CDH11: variants seen among roughly 807,000 people sequenced by gnomAD.
The protein encoded by CDH11 is cadherin-11.
CDH11 carries 11 observed loss-of-function variants against 67.8 expected under a neutral mutation model. The observed-to-expected ratio is 0.16, with a 90% CI of 0.10 to 0.27. The LOEUF (loss-of-function observed/expected upper bound fraction) is 0.27, where lower values mean the gene tolerates loss of function less well. Ranked by LOEUF, CDH11 falls within the 10% of genes least tolerant of loss-of-function variation. The pLI, the probability that CDH11 is intolerant of heterozygous loss-of-function variation, is 1.00. For missense variants in CDH11, 847 were observed against 1,031.2 expected, an observed-to-expected ratio of 0.82 and a Z score of 2.45; for synonymous variants, 419 against 400.0, an observed-to-expected ratio of 1.05 and a Z score of -0.57.
intron 2 of CDH11, among the ~76,000 whole-genome samples, chr16:65,049,396 A>T (rs1279791068): frequency 6.6e-6 from 1 of 152,120 alleles, no homozygotes; most frequent in Non-Finnish European, 1.5e-5. Context: ...CCCATCGCTC[A>T]TCGGTGGTCC....
chr16:65,035,078 G>A (rs945748344), intron 2 of CDH11, among the ~76,000 whole-genome samples: 81 of 152,186 alleles, frequency 5.3e-4, no homozygotes, highest in African/African-American at 1.9e-3. Context: ...GGAGCTGCAC[G>A]GGCAGTGACG....
intron 2 of CDH11, among the ~76,000 whole-genome samples, chr16:65,045,329 G>GTATATATATATATATCTATA (rs2073937522): frequency 1.6e-5 from 1 of 63,266 alleles, no homozygotes; most frequent in Non-Finnish European, 3.3e-5. Flanking sequence ...TCCCTCAAAA[G>GTATATATATATATATCTATA]TATATATATA....
chr16:64,988,975 G>A (rs944613400), intron 6 of CDH11, among the ~76,000 whole-genome samples: 1 of 152,046 alleles, frequency 6.6e-6, no homozygotes, highest in Non-Finnish European at 1.5e-5. Context: ...TGTTTATTGG[G>A]AGCCTAATAC....
At chr16:64,971,491 A>G in intron 11 of CDH11, 88 bp downstream of exon 11, 1 of 739,098 alleles carries the variant, frequency 1.4e-6, no homozygotes. Flanking sequence ...CATTATAAAG[A>G]TTAGTGAAAA....
intron 2 of CDH11, among the ~76,000 whole-genome samples, chr16:65,021,017 G>A (rs1193865153): frequency 2.6e-5 from 4 of 151,916 alleles, no homozygotes; most frequent in Admixed American, 6.6e-5. Context: ...CCCCAAAAAG[G>A]GAATCAGCCC....
chr16:65,039,904 T>A (rs1485309229), intron 2 of CDH11, among the ~76,000 whole-genome samples: 3 of 152,186 alleles, frequency 2.0e-5, no homozygotes, highest in Non-Finnish European at 4.4e-5. Flanking sequence ...GCGAAGGATA[T>A]GAACAGACAC....
chr16:64,949,987 G>C (rs1180248024), intron 12 of CDH11, among the ~76,000 whole-genome samples: 7 of 152,118 alleles, frequency 4.6e-5, no homozygotes. Flanking sequence ...ATTCGAGGTA[G>C]GACCAAGCAT....
At chr16:65,057,355 A>G (rs2074160416) in intron 1 of CDH11, among the ~76,000 whole-genome samples, 2 of 152,178 alleles carry the variant, frequency 1.3e-5, no homozygotes, top group African/African-American at 4.8e-5. Context: ...GCTGTCTTCA[A>G]GTACAGCGCC....
At chr16:65,102,493 G>GT (rs956255488) in intron 1 of CDH11, among the ~76,000 whole-genome samples, 61 of 152,216 alleles carry the variant, frequency 4.0e-4, no homozygotes, top group African/African-American at 1.5e-3. Flanking sequence ...ACTCATGACT[G>GT]TAATACATTA....
At chr16:64,996,120 CACA>C (rs2072756623) in intron 4 of CDH11, among the ~76,000 whole-genome samples, 1 of 152,050 alleles carries the variant, frequency 6.6e-6, no homozygotes, top group African/African-American at 2.4e-5. Flanking sequence ...GAAAAGGGAA[CACA>C]TATACACTGC....
At chr16:65,009,564 A>C (rs867646888) in intron 2 of CDH11, among the ~76,000 whole-genome samples, 1 of 152,174 alleles carries the variant, frequency 6.6e-6, no homozygotes, top group Non-Finnish European at 1.5e-5. Flanking sequence ...ATCTCCCATG[A>C]AAATTAATAG....
At chr16:65,049,709 C>A (rs1273785481) in intron 2 of CDH11, among the ~76,000 whole-genome samples, 2 of 152,130 alleles carry the variant, frequency 1.3e-5, no homozygotes, top group African/African-American at 4.8e-5. Flanking sequence ...TTCATGTAAT[C>A]ATTAGTTGAT....
intron 1 of CDH11, among the ~76,000 whole-genome samples, chr16:65,071,183 T>C (rs1415440673): frequency 1.3e-5 from 2 of 152,050 alleles, no homozygotes; most frequent in African/African-American, 2.4e-5. Flanking sequence ...GTGGTCCCAG[T>C]GGAAAATGAA....
intron 3 of CDH11, among the ~76,000 whole-genome samples, chr16:65,000,626 T>C (rs1381637326): frequency 6.6e-6 from 1 of 152,010 alleles, no homozygotes; most frequent in Non-Finnish European, 1.5e-5. Context: ...CTGGCCAAGA[T>C]GCTGAAACCT....
chr16:64,955,385 A>G (rs1298515667), intron 11 of CDH11, among the ~76,000 whole-genome samples: 3 of 152,136 alleles, frequency 2.0e-5, no homozygotes, highest in Non-Finnish European at 4.4e-5. Context: ...GTGAGCCGAG[A>G]TTGTGCCACT....
intron 2 of CDH11, among the ~76,000 whole-genome samples, chr16:65,027,893 C>T (rs2073565803): frequency 6.6e-6 from 1 of 152,156 alleles, no homozygotes; most frequent in Admixed American, 6.5e-5. Flanking sequence ...AGGGAAGGGA[C>T]TTGCATTTGA....
chr16:65,047,366 T>G (rs914791740), intron 2 of CDH11, among the ~76,000 whole-genome samples: 145 of 152,100 alleles, frequency 9.5e-4, no homozygotes, highest in African/African-American at 3.3e-3. Flanking sequence ...TTGGTTTTTT[T>G]TTTTAGATGG....
chr16:64,950,735 C>T, intron 12 of CDH11, 32 bp downstream of exon 12: 1 of 1,603,554 alleles, frequency 6.2e-7, no homozygotes, highest in Non-Finnish European at 8.5e-7. Flanking sequence ...GTTGCCTGGC[C>T]CTTCCTGCAG....
chr16:65,002,122 C>A (rs2072934906), intron 3 of CDH11, among the ~76,000 whole-genome samples: 1 of 152,176 alleles, frequency 6.6e-6, no homozygotes, highest in Non-Finnish European at 1.5e-5. Flanking sequence ...CAGGACCAAC[C>A]ACTTTATTTA....
Sources: gnomAD v4.1 joint callset for allele counts (sites outside exome capture counted in the v4.1 genomes callset) on GRCh38, gnomAD v4.1.1 for gene constraint, MANE v1.5 for transcripts, NCBI Gene and HGNC (gene_info 2026-07-23, HGNC 2026-07-21) for gene names.